The following SLC41A2 variants were observed in gnomAD, a reference collection of about 807,000 sequenced individuals.
SLC41A2 encodes the protein SLC41A1-like 1.
Under a neutral mutation model 58.3 loss-of-function variants are expected in SLC41A2, and 32 were observed. The ratio of observed to expected loss-of-function variants is 0.55; its 90% confidence interval spans 0.41 to 0.74. The LOEUF is 0.74. SLC41A2 is among the 30% of genes least tolerant of loss of function. The pLI is 0.00. For missense variants in SLC41A2, 514 were observed against 680.6 expected, an observed-to-expected ratio of 0.76 and a Z score of 2.72; for synonymous variants, 190 against 235.0, an observed-to-expected ratio of 0.81 and a Z score of 1.75.
chr12:104,815,872 C>G (rs2041378166), intron 10 of SLC41A2, among the ~76,000 whole-genome samples: 1 of 152,126 alleles, frequency 6.6e-6, no homozygotes, highest in Non-Finnish European at 1.5e-5. Flanking sequence ...CAGATATAAG[C>G]ATCTTTTCTT....
At chr12:104,855,242 T>C (rs1012760608) in intron 8 of SLC41A2, among the ~76,000 whole-genome samples, 1 of 152,202 alleles carries the variant, frequency 6.6e-6, no homozygotes, top group African/African-American at 2.4e-5. Flanking sequence ...ATTTATAAAA[T>C]ACATGTAAGT....
At chr12:104,957,385 G>T (rs1236909137) in intron 1 of SLC41A2, among the ~76,000 whole-genome samples, 4 of 152,172 alleles carry the variant, frequency 2.6e-5, no homozygotes, top group Non-Finnish European at 5.9e-5. Flanking sequence ...AAGGGGAAAT[G>T]AGGAGTGATT....
chr12:104,954,649 T>C (rs1284604095), intron 1 of SLC41A2, among the ~76,000 whole-genome samples: 1 of 152,234 alleles, frequency 6.6e-6, no homozygotes, highest in East Asian at 1.9e-4. Context: ...TAAAAACACA[T>C]TTTGGGTTAT....
chr12:104,878,997 C>T (rs1260837232), intron 6 of SLC41A2, among the ~76,000 whole-genome samples: 18 of 152,074 alleles, frequency 1.2e-4, no homozygotes, highest in Admixed American at 4.6e-4. Flanking sequence ...TTTTTAATGA[C>T]CGCCATTCTA....
At chr12:104,920,728 T>A (rs1159918771) in intron 2 of SLC41A2, among the ~76,000 whole-genome samples, 1 of 151,738 alleles carries the variant, frequency 6.6e-6, no homozygotes. Context: ...ATCGAGACCA[T>A]CCTGGCTAAC....
intron 1 of SLC41A2, among the ~76,000 whole-genome samples, chr12:104,955,326 T>C (rs115537083): frequency 0.012 from 1,888 of 152,220 alleles, 51 homozygotes; most frequent in African/African-American, 0.044. Flanking sequence ...GGCCCTCGCT[T>C]TCTGATTACC....
chr12:104,881,625 T>C (rs994157569), intron 6 of SLC41A2, among the ~76,000 whole-genome samples: 7 of 152,164 alleles, frequency 4.6e-5, no homozygotes, highest in Admixed American at 4.6e-4. Flanking sequence ...AGTTGTGCGG[T>C]TTTGAGTGAG....
At chr12:104,957,944 G>T (rs944131071) in intron 1 of SLC41A2, 144 bp downstream of exon 1, 1 of 151,978 alleles carries the variant, frequency 6.6e-6, no homozygotes, top group African/African-American at 2.4e-5. Context: ...GGGCACGGCT[G>T]CTCGGGCGGG....
At position 104,929,066 on chromosome 12, in the gene SLC41A2, C is replaced by T. The variant is rs1418377148; in HGVS notation, c.-167-372G>A. Among the ~76,000 whole-genome samples, 4 of 152,128 alleles carry T rather than the reference C, an allele frequency of 2.6e-5. No individual in the cohort carries two copies. In the South Asian group the frequency reaches 6.2e-4, roughly 24 times the overall value. On this transcript the variant is annotated intron_variant, in intron 1 of 10. Coordinates refer to ENST00000258538, the MANE Select transcript of SLC41A2 (RefSeq NM_001352171.3). ...AAGGACTCAGAATCAAATTGCTATA[C>T]CCTTTGCATCTGTCAGTACACAACA...
At chr12:104,886,569 A>G (rs1437789097) in intron 5 of SLC41A2, 130 bp from the exon 6 acceptor site, 17 of 904,924 alleles carry the variant, frequency 1.9e-5, no homozygotes, top group Non-Finnish European at 2.6e-5. Flanking sequence ...AGCTGACTAA[A>G]GCAAACAAAA....
At chr12:104,903,874 T>C (rs73383408) in intron 3 of SLC41A2, among the ~76,000 whole-genome samples, 4,931 of 152,228 alleles carry the variant, frequency 0.032, 150 homozygotes, top group East Asian at 0.15. Flanking sequence ...ATGGCAAGCT[T>C]CTCCCCTGTG....
intron 6 of SLC41A2, among the ~76,000 whole-genome samples, chr12:104,870,859 G>A (rs1188574457): frequency 1.3e-5 from 2 of 151,694 alleles, no homozygotes; most frequent in South Asian, 2.1e-4. Flanking sequence ...TGTAAGTTGT[G>A]ATTTTTTTCT....
At chr12:104,838,041 T>C (rs970553146) in intron 10 of SLC41A2, among the ~76,000 whole-genome samples, 1 of 152,188 alleles carries the variant, frequency 6.6e-6, no homozygotes, top group Non-Finnish European at 1.5e-5. Context: ...TGACAGACAG[T>C]CTGGCTTGCA....
At chr12:104,896,842 A>G (rs2045309495) in intron 3 of SLC41A2, among the ~76,000 whole-genome samples, 3 of 152,230 alleles carry the variant, frequency 2.0e-5, no homozygotes, top group Non-Finnish European at 4.4e-5. Context: ...TTCAGGTGAC[A>G]GTCTACCAGT....
At chr12:104,917,181 T>C (rs1171037092) in intron 2 of SLC41A2, among the ~76,000 whole-genome samples, 1 of 151,894 alleles carries the variant, frequency 6.6e-6, no homozygotes, top group Non-Finnish European at 1.5e-5. Context: ...AACAGACACT[T>C]CTCAAAAGAA....
At chr12:104,857,098 T>C (rs1452828443) in intron 8 of SLC41A2, among the ~76,000 whole-genome samples, 2 of 152,210 alleles carry the variant, frequency 1.3e-5, no homozygotes, top group Non-Finnish European at 1.5e-5. Context: ...GTAAAACGTA[T>C]TTCAAAAAAG....
intron 8 of SLC41A2, among the ~76,000 whole-genome samples, chr12:104,850,246 A>G (rs955789924): frequency 3.9e-5 from 6 of 152,178 alleles, no homozygotes; most frequent in African/African-American, 1.4e-4. Flanking sequence ...TTGTTTTTAT[A>G]ATAGGATTAT....
chr12:104,892,322 A>AC (rs2045038721), intron 4 of SLC41A2, among the ~76,000 whole-genome samples: 6 of 145,772 alleles, frequency 4.1e-5, no homozygotes, highest in African/African-American at 1.6e-4. Flanking sequence ...AAAATAAAAT[A>AC]AAATAAAATA....
At chr12:104,848,346 TTACTTATATTAGGAAAGAA>T (rs2042682943) in intron 8 of SLC41A2, among the ~76,000 whole-genome samples, 2 of 152,232 alleles carry the variant, frequency 1.3e-5, no homozygotes, top group South Asian at 4.2e-4. Context: ...ATTCATAGCA[TTACTTATATTAGGAAAGAA>T]GAAAGCTTTC....
Sources: allele counts gnomAD v4.1 joint callset (sites outside exome capture counted in the v4.1 genomes callset), GRCh38; gene constraint gnomAD v4.1.1; transcripts MANE v1.5; gene names NCBI Gene and HGNC (gene_info 2026-07-23, HGNC 2026-07-21).